SLC4A10: variants seen among roughly 807,000 people sequenced by gnomAD.
SLC4A10 encodes the protein sodium-driven chloride bicarbonate exchanger.
SLC4A10 carries 42 observed loss-of-function variants against 137.7 expected under a neutral mutation model. That is an observed-to-expected ratio of 0.30 (90% CI 0.24 to 0.39). The LOEUF is 0.39. Ranked by LOEUF, SLC4A10 falls within the 10% of genes least tolerant of loss-of-function variation. The probability of loss-of-function intolerance (pLI) is 1.00; values close to 1 mark genes in which losing one functional copy is unlikely to be tolerated. For synonymous variants in SLC4A10, 474 were observed against 464.1 expected (o/e 1.02, Z -0.27); for missense variants, 925 against 1,355.0 (o/e 0.68, Z 4.98).
At chr2:161,651,564 C>T (rs910742528) in intron 1 of SLC4A10, among the ~76,000 whole-genome samples, 1 of 152,204 alleles carries the variant, frequency 6.6e-6, no homozygotes, top group African/African-American at 2.4e-5. Context: ...GGCTGTGACA[C>T]CCTCTTTGGG....
At chr2:161,930,645 T>C (rs960311171) in intron 15 of SLC4A10, among the ~76,000 whole-genome samples, 4 of 151,818 alleles carry the variant, frequency 2.6e-5, no homozygotes, top group African/African-American at 4.8e-5. Flanking sequence ...GCAGAATCAG[T>C]ATTCAACTCA....
At chr2:161,756,553 C>G (rs753138212) in intron 1 of SLC4A10, among the ~76,000 whole-genome samples, 16 of 152,160 alleles carry the variant, frequency 1.1e-4, no homozygotes, top group Non-Finnish European at 1.9e-4. Context: ...CACAGTCACT[C>G]AGAAATCCAG....
Position 161,887,923 on chromosome 2 carries a change from T to C in SLC4A10, c.1194+5479T>C, listed in dbSNP as rs571106222. On this transcript the variant is annotated intron_variant, in intron 10 of 26. Transcript: ENST00000446997. ...GTATTGCCTAGGTTTTCTTCTAGGG[T>C]TTTTAGGGCTTTAGGTCTTACATTT... Among the ~76,000 whole-genome samples the C allele has an allele frequency of 4.6e-5, 7 of 152,288 alleles. No individual in the cohort carries two copies. In the South Asian group the frequency reaches 1.5e-3, roughly 32 times the overall value.
At chr2:161,833,567 T>G (rs2058573511) in intron 3 of SLC4A10, among the ~76,000 whole-genome samples, 1 of 152,238 alleles carries the variant, frequency 6.6e-6, no homozygotes, top group African/African-American at 2.4e-5. Context: ...AAGAACTTAA[T>G]AAATGTTGTA....
At chr2:161,763,726 C>G (rs1205117047) in intron 1 of SLC4A10, among the ~76,000 whole-genome samples, 3 of 152,066 alleles carry the variant, frequency 2.0e-5, no homozygotes, top group Non-Finnish European at 4.4e-5. Flanking sequence ...CTCTTCATGG[C>G]TGAACTTAAC....
At chr2:161,733,056 T>C (rs1015918757) in intron 1 of SLC4A10, among the ~76,000 whole-genome samples, 4 of 152,182 alleles carry the variant, frequency 2.6e-5, no homozygotes, top group African/African-American at 9.7e-5. Context: ...CATAAAAGTT[T>C]CAAAATTTTG....
At chr2:161,859,817 G>C (rs1453910185) in intron 5 of SLC4A10, among the ~76,000 whole-genome samples, 1 of 151,866 alleles carries the variant, frequency 6.6e-6, no homozygotes, top group South Asian at 2.1e-4. Flanking sequence ...AGCCAGGATG[G>C]TCTCTATCCC....
chr2:161,842,032 G>A (rs1464408507), intron 4 of SLC4A10, among the ~76,000 whole-genome samples: 1 of 152,054 alleles, frequency 6.6e-6, no homozygotes, highest in South Asian at 2.1e-4. Context: ...TCTATTTGAT[G>A]ATTGCATTGC....
chr2:161,733,442 G>C (rs573717406), intron 1 of SLC4A10, among the ~76,000 whole-genome samples: 15 of 152,228 alleles, frequency 9.9e-5, no homozygotes, highest in Non-Finnish European at 1.5e-4. Context: ...CAAAAGTCAA[G>C]AATTGAGGTT....
At chr2:161,943,988 A>G (rs539995932) in intron 16 of SLC4A10, among the ~76,000 whole-genome samples, 11 of 151,976 alleles carry the variant, frequency 7.2e-5, no homozygotes, top group African/African-American at 2.6e-4. Context: ...TTAAAATTCT[A>G]TCTTGACCTA....
chr2:161,734,345 A>G (rs2047110152), intron 1 of SLC4A10, among the ~76,000 whole-genome samples: 1 of 152,156 alleles, frequency 6.6e-6, no homozygotes, highest in African/African-American at 2.4e-5. Context: ...TTCTCGTGGT[A>G]GTGAATAAGT....
chr2:161,629,072 C>T (rs972799453), intron 1 of SLC4A10, among the ~76,000 whole-genome samples: 3 of 151,782 alleles, frequency 2.0e-5, no homozygotes, highest in Non-Finnish European at 2.9e-5. Context: ...TACGATGGCC[C>T]GCAAGTAAAT....
intron 1 of SLC4A10, among the ~76,000 whole-genome samples, chr2:161,741,979 T>C (rs1417846650): frequency 6.6e-6 from 1 of 152,228 alleles, no homozygotes; most frequent in African/African-American, 2.4e-5. Context: ...CCTTACCTAC[T>C]ACATTTTCCA....
intron 2 of SLC4A10, among the ~76,000 whole-genome samples, chr2:161,786,722 T>A (rs2053666539): frequency 6.6e-6 from 1 of 151,578 alleles, no homozygotes; most frequent in African/African-American, 2.4e-5. Context: ...TGTAATTGCT[T>A]TTTAGGATCT....
intron 1 of SLC4A10, 56 bp from the exon 2 acceptor site, chr2:161,770,917 T>C: frequency 7.6e-7 from 1 of 1,307,334 alleles, no homozygotes; most frequent in Non-Finnish European, 1.1e-6. Context: ...GTTTGTTTTT[T>C]GAAATTGAGA....
At chr2:161,815,537 C>T (rs1334556238) in intron 3 of SLC4A10, among the ~76,000 whole-genome samples, 1 of 152,058 alleles carries the variant, frequency 6.6e-6, no homozygotes, top group African/African-American at 2.4e-5. Context: ...CAGTGTGAAA[C>T]AGACTAATAC....
chr2:161,624,538 G>A lies in SLC4A10; in HGVS notation c.20G>A (p.Gly7Glu). The A allele has an allele frequency of 1.3e-6, 2 of 1,553,924 alleles. No individual in the cohort carries two copies. Among genetic ancestry groups the A allele is most frequent in the Non-Finnish European group, 1.7e-6 (2 of 1,148,406 alleles). Residue 7 changes from glycine to glutamate, a missense_variant, in exon 1 of 27, where the codon GGA becomes GAA. By Grantham distance (98) the Gly-to-Glu change is moderately conservative (BLOSUM62 -2). Coordinates refer to ENST00000446997, the MANE Select transcript of SLC4A10 (RefSeq NM_001178015.2). MEIKDQ[G>E]AQMEPLLPTR... Reference sequence around the variant, plus strand: ...CAAAACATGGAGATTAAAGACCAGGGAGCCCAAATGGAGCCGCTGCTGCCT... The same window carrying A: ...CAAAACATGGAGATTAAAGACCAGGAAGCCCAAATGGAGCCGCTGCTGCCT...
intron 1 of SLC4A10, among the ~76,000 whole-genome samples, chr2:161,751,842 G>A (rs184338427): frequency 2.6e-5 from 4 of 151,966 alleles, no homozygotes; most frequent in African/African-American, 9.6e-5. Context: ...CTTCCAAGTA[G>A]GAGTTTTCTT....
At position 161,809,617 on chromosome 2, in the gene SLC4A10, A is replaced by G. The variant is rs187157184; in HGVS notation, c.277+5022A>G. On this transcript the variant is annotated intron_variant, in intron 3 of 26. Coordinates refer to ENST00000446997, the MANE Select transcript of SLC4A10 (RefSeq NM_001178015.2). ...ATGGCTTGACAGTTATCCCAGCACCATTTATTTAATAGGGAGTCCTTTCTG... is the reference window on the plus strand; with the variant it reads ...ATGGCTTGACAGTTATCCCAGCACCGTTTATTTAATAGGGAGTCCTTTCTG... 5.9e-5 allele frequency among the ~76,000 whole-genome samples: 9 copies of G among 152,178 alleles called. No individual in the cohort carries two copies. The East Asian group carries it at 1.7e-3, about 29-fold the overall frequency.
Sources: allele counts gnomAD v4.1 joint callset (sites outside exome capture counted in the v4.1 genomes callset), GRCh38; gene constraint gnomAD v4.1.1; transcripts MANE v1.5; gene names NCBI Gene and HGNC (gene_info 2026-07-23, HGNC 2026-07-21).